HMCN2: variants seen among roughly 807,000 people sequenced by gnomAD.
HMCN2 encodes hemicentin 2.
Under a neutral mutation model 377.5 loss-of-function variants are expected in HMCN2, and 325 were observed. The observed-to-expected ratio is 0.86, with a 90% CI of 0.79 to 0.94. The LOEUF (loss-of-function observed/expected upper bound fraction) is 0.94. HMCN2 is among the 40% of genes least tolerant of loss of function. The pLI, the probability that HMCN2 is intolerant of heterozygous loss-of-function variation, is 0.00. For synonymous variants in HMCN2, 2,007 were observed against 2,046.8 expected (o/e 0.98, Z 0.53); for missense variants, 4,543 against 4,725.3 (o/e 0.96, Z 1.13).
At chr9:130,282,520 G>T (rs1835175169) in intron 1 of HMCN2, among the ~76,000 whole-genome samples, 1 of 152,142 alleles carries the variant, frequency 6.6e-6, no homozygotes, top group Non-Finnish European at 1.5e-5. Context: ...TAGTTCAGAG[G>T]AAAGGACGTG....
chr9:130,431,334 C>A, intron 95 of HMCN2, 33 bp from the exon 96 acceptor site: 3 of 1,525,698 alleles, frequency 2.0e-6, no homozygotes, highest in Non-Finnish European at 2.7e-6. Flanking sequence ...CTGCCCCCAT[C>A]CCCCACCTGC....
At chr9:130,362,236 C>A in intron 39 of HMCN2, 71 bp downstream of exon 39, 1 of 957,888 alleles carries the variant, frequency 1.0e-6, no homozygotes, top group Non-Finnish European at 1.2e-6. Context: ...AGAGGTCAGG[C>A]CCTGGGAACT....
intron 75 of HMCN2, 110 bp downstream of exon 75, chr9:130,398,817 C>A (rs569118646): frequency 1.8e-4 from 173 of 973,580 alleles, no homozygotes; most frequent in Admixed American, 5.0e-4. Context: ...CAGGTCTCAC[C>A]GGAGTCAGGA....
chr9:130,382,664 C>T lies in HMCN2; in HGVS notation c.8546-15C>T. ...ACCTGTGCCAGCCCCTCAGCCCCCT[C>T]TCCCCCACCCCCAGCCCCACCTGTG... On this transcript the variant is annotated splice_polypyrimidine_tract_variant and intron_variant, in intron 55 of 97. Coordinates refer to ENST00000683500, the MANE Select transcript of HMCN2 (RefSeq NM_001291815.2). 1 of 930,850 alleles carries T rather than the reference C, an allele frequency of 1.1e-6. No homozygotes were observed. Among genetic ancestry groups the T allele is most frequent in the Non-Finnish European group, 1.3e-6 (1 of 780,594 alleles). 57.7% of individuals were successfully genotyped at this position (930,850 alleles called of 1,614,324 possible).
chr9:130,344,654 TTGTG>T (rs1839244606), intron 25 of HMCN2, among the ~76,000 whole-genome samples: 1 of 150,558 alleles, frequency 6.6e-6, no homozygotes, highest in South Asian at 2.1e-4. Context: ...GTGTATATGT[TTGTG>T]TGTGGTGTGT....
At chr9:130,302,416 G>A (rs957652677) in intron 8 of HMCN2, among the ~76,000 whole-genome samples, 2 of 152,336 alleles carry the variant, frequency 1.3e-5, no homozygotes, top group South Asian at 4.1e-4. Context: ...TCTAGGCGGA[G>A]AAGCAATTGC....
At chr9:130,386,393 C>G in intron 60 of HMCN2, 50 bp from the exon 61 acceptor site, 1 of 1,221,970 alleles carries the variant, frequency 8.2e-7, no homozygotes, top group Non-Finnish European at 1.1e-6. Context: ...AGCCCTAGCA[C>G]CCCACTTCCA....
At chr9:130,287,917 G>T (rs982024313) in intron 4 of HMCN2, among the ~76,000 whole-genome samples, 5 of 152,202 alleles carry the variant, frequency 3.3e-5, no homozygotes, top group Admixed American at 6.5e-5. Context: ...GAGCTGCAGA[G>T]AGCTATCTCC....
chr9:130,390,251 C>A (rs867800862), intron 62 of HMCN2, among the ~76,000 whole-genome samples: 3 of 152,204 alleles, frequency 2.0e-5, no homozygotes, highest in Non-Finnish European at 4.4e-5. Flanking sequence ...AGCCCTCCCC[C>A]ACCCTTCCTG....
At chr9:130,295,122 T>C (rs1470871818) in intron 5 of HMCN2, 96 bp downstream of exon 5, 2 of 307,890 alleles carry the variant, frequency 6.5e-6, no homozygotes, top group Admixed American at 4.4e-5. Flanking sequence ...TGACAGGGCT[T>C]CAGACATGAG....
intron 1 of HMCN2, among the ~76,000 whole-genome samples, chr9:130,279,944 A>AT (rs1487083104): frequency 6.6e-6 from 1 of 152,140 alleles, no homozygotes; most frequent in African/African-American, 2.4e-5. Flanking sequence ...GCTTGGAGTC[A>AT]GAGAGGGAGC....
chr9:130,367,486 G>A (rs1840757765), intron 43 of HMCN2, among the ~76,000 whole-genome samples: 1 of 152,128 alleles, frequency 6.6e-6, no homozygotes, highest in Non-Finnish European at 1.5e-5. Flanking sequence ...AATCCAGTAG[G>A]TCGAGGTTGA....
At chr9:130,301,109 C>T (rs539937867) in intron 8 of HMCN2, among the ~76,000 whole-genome samples, 8 of 152,332 alleles carry the variant, frequency 5.3e-5, no homozygotes, top group Non-Finnish European at 8.8e-5. Flanking sequence ...GCCCATCGTG[C>T]CTACAGTGCC....
At chr9:130,416,561 T>G (rs1843710503) in intron 85 of HMCN2, among the ~76,000 whole-genome samples, 1 of 152,234 alleles carries the variant, frequency 6.6e-6, no homozygotes, top group African/African-American at 2.4e-5. Context: ...TGTACCACAG[T>G]TTATTCATGT....
chr9:130,322,306 CATCT>C (rs1287956897), intron 19 of HMCN2, among the ~76,000 whole-genome samples: 3 of 147,162 alleles, frequency 2.0e-5, no homozygotes, highest in Admixed American at 6.9e-5. Context: ...AATTATCTAT[CATCT>C]ATCTATCTAA....
intron 26 of HMCN2, 37 bp from the exon 27 acceptor site, chr9:130,348,508 G>T (rs1839512760): frequency 1.2e-5 from 16 of 1,299,632 alleles, no homozygotes; most frequent in Non-Finnish European, 1.6e-5. Context: ...CTCTAAGGGG[G>T]CAGGGAAGCA....
intron 1 of HMCN2, among the ~76,000 whole-genome samples, chr9:130,281,977 G>A (rs782381564): frequency 2.6e-5 from 4 of 151,794 alleles, no homozygotes; most frequent in African/African-American, 9.7e-5. Context: ...TCAGGACATA[G>A]CCTGGCACTT....
rs71387339 is a variant in HMCN2 at position 130,293,279 on chromosome 9, G to GTTT, written c.613-1557_613-1555dup. Among the ~76,000 whole-genome samples the GTTT allele has an allele frequency of 4.6e-3, 264 of 57,112 alleles. 52 individuals carry two copies. The highest frequency in any genetic ancestry group is 0.03 in the Middle Eastern group (2 of 66). 37.5% of individuals were successfully genotyped at this position (57,112 alleles called of 152,430 possible). A position where few individuals can be genotyped will look rare whatever the true frequency, so the allele number is the denominator to read the frequency against. ...TTCCAAATAAAATCTACTCACTAAAGTTTTTTTTTTTTTTTTTTTTTGCGG... is the reference window on the plus strand; with the variant it reads ...TTCCAAATAAAATCTACTCACTAAAGTTTTTTTTTTTTTTTTTTTTTTTTGCGG... On this transcript the variant is annotated intron_variant, in intron 4 of 97. Transcript: ENST00000683500.
At position 130,394,477 on chromosome 9, in the gene HMCN2, C is replaced by T. The variant is rs1412153343; in HGVS notation, c.10594C>T (p.Pro3532Ser). 7.8e-7 allele frequency: 1 copy of T among 1,289,716 alleles called. No homozygotes were observed. The highest frequency in any genetic ancestry group is 5.5e-5 in the East Asian group (1 of 18,040). The allele number at this position is 1,289,716 out of a possible 1,614,324, so 79.9% of individuals were successfully genotyped here. A position where few individuals can be genotyped will look rare whatever the true frequency, so the allele number is the denominator to read the frequency against. ...MELLCDAQGTPQPNITWHKDG... is the reference protein window; with the variant it reads ...MELLCDAQGTSQPNITWHKDG... ...GCTCCTCTGTGATGCCCAGGGCACC[C>T]CCCAGCCCAACATCACCTGGCATAA... Residue 3532 changes from proline to serine, a missense_variant, in exon 69 of 98, where the codon CCC becomes TCC. Physicochemically the swap from Pro to Ser is moderately conservative, Grantham distance 74. Transcript: ENST00000683500. The surrounding 1 kb of genome is among the most constrained non-coding windows in gnomAD (Gnocchi z 5.1).
Sources: allele counts gnomAD v4.1 joint callset (sites outside exome capture counted in the v4.1 genomes callset), GRCh38; gene constraint gnomAD v4.1.1; non-coding constraint Gnocchi (gnomAD v3.1); transcripts MANE v1.5; gene names NCBI Gene and HGNC (gene_info 2026-07-23, HGNC 2026-07-21).